CPA3: variants seen among roughly 807,000 people sequenced by gnomAD.
CPA3 encodes the protein mast cell carboxypeptidase A.
A neutral mutation model predicts 55.8 loss-of-function variants in CPA3; 52 were observed. That is an observed-to-expected ratio of 0.93 (90% CI 0.75 to 1.17). The LOEUF is 1.17. Among genes scored for constraint, CPA3 ranks in the 50% most tolerant of loss-of-function variants. The pLI is 0.00. For synonymous variants in CPA3, 179 were observed against 171.2 expected, an observed-to-expected ratio of 1.05 and a Z score of -0.36; for missense variants, 547 against 509.1, an observed-to-expected ratio of 1.07 and a Z score of -0.72.
chr3:148,865,589 T>C (rs1263438948), intron 2 of CPA3, 41 bp downstream of exon 2: 4 of 1,531,858 alleles, frequency 2.6e-6, no homozygotes, highest in Admixed American at 1.7e-5. Flanking sequence ...CTTACTGTTC[T>C]CTAAAAGATG....
intron 6 of CPA3, 77 bp downstream of exon 6, chr3:148,879,966 CA>C: frequency 1.0e-6 from 1 of 976,424 alleles, no homozygotes; most frequent in Non-Finnish European, 1.6e-6. Flanking sequence ...GACATCTTTC[CA>C]AACACGCAAT....
intron 10 of CPA3, among the ~76,000 whole-genome samples, chr3:148,887,078 G>A (rs1714550901): frequency 6.6e-6 from 1 of 152,012 alleles, no homozygotes; most frequent in South Asian, 2.1e-4. Context: ...TCTTGGCCTT[G>A]ATTTTCTTGT....
intron 9 of CPA3, 78 bp from the exon 10 acceptor site, chr3:148,886,015 G>T: frequency 1.0e-6 from 1 of 982,944 alleles, no homozygotes. Context: ...TTAAAAAATT[G>T]CATACATACA....
At chr3:148,876,467 C>T (rs1347378522) in intron 3 of CPA3, among the ~76,000 whole-genome samples, 1 of 151,876 alleles carries the variant, frequency 6.6e-6, no homozygotes, top group African/African-American at 2.4e-5. Flanking sequence ...ACCTCCACCT[C>T]CTGGGTTCAA....
intron 2 of CPA3, among the ~76,000 whole-genome samples, chr3:148,867,820 A>G (rs185194470): frequency 3.3e-5 from 5 of 152,336 alleles, no homozygotes; most frequent in African/African-American, 1.2e-4. Flanking sequence ...CTTGTACTTC[A>G]TTTAGTTTCA....
intron 3 of CPA3, among the ~76,000 whole-genome samples, chr3:148,874,474 C>T (rs912395923): frequency 4.2e-4 from 64 of 152,190 alleles, no homozygotes; most frequent in African/African-American, 1.4e-3. Context: ...CAAACCTTCC[C>T]GGGTTTTGTG....
intron 10 of CPA3, among the ~76,000 whole-genome samples, chr3:148,894,563 AT>A (rs1372673594): frequency 3.3e-4 from 50 of 152,266 alleles, no homozygotes; most frequent in Middle Eastern, 3.4e-3. Context: ...AATTTTTTAA[AT>A]TATAATTCAA....
Position 148,889,869 on chromosome 3 carries a change from CA to C in CPA3, c.1066+3710del, listed in dbSNP as rs10693111. On this transcript the variant is annotated intron_variant, in intron 10 of 10. Transcript: ENST00000296046. ...TGGGTGAAAGAGCAAAACTCCATCT[CA>C]AAAAAAAAAAAAAAAAAGAATCATC... Among the ~76,000 whole-genome samples, 584 of 110,202 alleles carry C rather than the reference CA, an allele frequency of 5.3e-3. 27 individuals are homozygous for C. In the East Asian group the frequency reaches 0.11, roughly 21 times the overall value. 72.3% of individuals were successfully genotyped at this position (110,202 alleles called of 152,430 possible). A position where few individuals can be genotyped will look rare whatever the true frequency, so the allele number is the denominator to read the frequency against.
intron 3 of CPA3, among the ~76,000 whole-genome samples, chr3:148,869,340 A>G (rs577853680): frequency 5.2e-4 from 79 of 152,316 alleles, no homozygotes; most frequent in African/African-American, 1.9e-3. Flanking sequence ...CCACATGAGC[A>G]GGCATGAATG....
chr3:148,865,401 T>C (rs955865368), intron 1 of CPA3, 26 bp downstream of exon 1: 4 of 1,613,950 alleles, frequency 2.5e-6, no homozygotes, highest in Non-Finnish European at 3.4e-6. Context: ...TGTGTTCCAG[T>C]CTCTGTGTAG....
At chr3:148,881,968 A>C (rs1219220195) in intron 7 of CPA3, among the ~76,000 whole-genome samples, 1 of 152,202 alleles carries the variant, frequency 6.6e-6, no homozygotes, top group Non-Finnish European at 1.5e-5. Context: ...GTATTTCATC[A>C]ATTTTGAATA....
chr3:148,881,510 C>T lies in CPA3; in HGVS notation c.577-12C>T, dbSNP rs1484528280. ...TCATACCAATAGCTTAATTTTTTTT[C>T]ACCTCCGACAGGCAACCAAAACTTA... On this transcript the variant is annotated splice_polypyrimidine_tract_variant and intron_variant, in intron 6 of 10. Coordinates refer to ENST00000296046, the MANE Select transcript of CPA3 (RefSeq NM_001870.4). 2 of 1,567,974 alleles carry T rather than the reference C, an allele frequency of 1.3e-6. No individual in the cohort carries two copies. The highest frequency in any genetic ancestry group is 1.8e-6 in the Non-Finnish European group (2 of 1,141,864).
rs373172525 is a variant in CPA3 at position 148,871,711 on chromosome 3, G to T, written c.269+2672G>T. ...AAGTGTTAAATTACCTACAAAAATT[G>T]GTTTTATCAAATTAAAACATGAATT... is the stretch of plus-strand genomic sequence containing the variant. On this transcript the variant is annotated intron_variant, in intron 3 of 10. Coordinates refer to ENST00000296046, the MANE Select transcript of CPA3 (RefSeq NM_001870.4). Among the ~76,000 whole-genome samples the T allele has an allele frequency of 1.1e-4, 17 of 152,124 alleles. No individual in the cohort carries two copies. The South Asian group carries it at 3.3e-3, about 30-fold the overall frequency.
chr3:148,868,682 T>TAA (rs375251241), intron 2 of CPA3, among the ~76,000 whole-genome samples: 129 of 143,806 alleles, frequency 9.0e-4, no homozygotes, highest in African/African-American at 2.8e-3. Flanking sequence ...CTGAAGTCCT[T>TAA]AAAAAAAAAA....
intron 3 of CPA3, 100 bp downstream of exon 3, chr3:148,869,139 C>A: frequency 7.4e-7 from 1 of 1,346,228 alleles, no homozygotes; most frequent in Non-Finnish European, 1.0e-6. Context: ...TAATTGGGCC[C>A]CCCAGAACGA....
In CPA3 at chr3:148,896,604, A is replaced by C; in HGVS notation, c.1151A>C (p.Lys384Thr). The change falls in exon 11 of 11, where the codon AAA becomes ACA. Residue 384 changes from lysine to threonine, a missense_variant. Physicochemically the swap from Lys to Thr is moderately conservative, Grantham distance 78. Coordinates refer to ENST00000296046, the MANE Select transcript of CPA3 (RefSeq NM_001870.4). ...GCCTTTGAGCTCCGAGATAAAGGCA[A>C]ATTTGGTTTTCTCCTTCCAGAATCC... ...TFAFELRDKG[K>T]FGFLLPESRI... The C allele has an allele frequency of 6.3e-7, 1 of 1,592,846 alleles. No individual in the cohort carries two copies. The highest frequency in any genetic ancestry group is 1.1e-5 in the South Asian group (1 of 88,946).
chr3:148,865,524 A>G lies in CPA3; in HGVS notation c.120A>G (p.Ile40Met), dbSNP rs1713875126. Residue 40 changes from isoleucine (I) to methionine (M), a missense_variant, in exon 2 of 11, where the codon ATA (isoleucine) becomes ATG (methionine). Transcript: ENST00000296046. ...AGGATGAAAAACAAGCAGACATCAT[A>G]AAGGACTTGGCCAAAACCAATGAGG... ...KPQDEKQADIIKDLAKTNELD... is the reference protein window; with the variant it reads ...KPQDEKQADIMKDLAKTNELD... 1 of 1,614,074 alleles carries G rather than the reference A, an allele frequency of 6.2e-7. No individual in the cohort carries two copies. The highest frequency in any genetic ancestry group is 8.5e-7 in the Non-Finnish European group (1 of 1,179,980).
At chr3:148,890,274 A>G (rs1457573896) in intron 10 of CPA3, among the ~76,000 whole-genome samples, 2 of 152,230 alleles carry the variant, frequency 1.3e-5, no homozygotes, top group African/African-American at 4.8e-5. Flanking sequence ...CATCTTAGAA[A>G]TAACTAAACA....
intron 2 of CPA3, among the ~76,000 whole-genome samples, chr3:148,867,361 C>T (rs1713929913): frequency 6.6e-6 from 1 of 152,210 alleles, no homozygotes; most frequent in Non-Finnish European, 1.5e-5. Flanking sequence ...TCCTGGAATA[C>T]CCGGTTCCTT....
Sources: allele counts gnomAD v4.1 joint callset (sites outside exome capture counted in the v4.1 genomes callset), GRCh38; gene constraint gnomAD v4.1.1; transcripts MANE v1.5; gene names NCBI Gene and HGNC (gene_info 2026-07-23, HGNC 2026-07-21).